Variants in NXPE2 observed in about 807,000 individuals in gnomAD.
NXPE2 encodes NXPE family member 2.
In NXPE2, 34 loss-of-function variants were observed where a neutral mutation model predicts 34.4. The observed-to-expected ratio is 0.99, with a 90% CI of 0.75 to 1.31. The LOEUF (loss-of-function observed/expected upper bound fraction) is 1.31. Ranked by LOEUF, NXPE2 falls within the 40% of genes most tolerant of loss-of-function variation. The probability of loss-of-function intolerance (pLI) is 0.00; values close to 1 mark genes in which losing one functional copy is unlikely to be tolerated. For missense variants in NXPE2, 649 were observed against 672.5 expected (o/e 0.97, Z 0.39); for synonymous variants, 235 against 231.3 (o/e 1.02, Z -0.15).
At chr11:114,737,007 G>A in the NXPE2 span, among the ~76,000 whole-genome samples, 1 of 152,082 alleles carries the variant, frequency 6.6e-6, no homozygotes, top group African/African-American at 2.4e-5. Context: ...CTGAGTGCTA[G>A]CAATTTGCAA....
downstream of NXPE2, among the ~76,000 whole-genome samples, chr11:114,708,523 T>C (rs1006689086): frequency 1.3e-5 from 2 of 151,882 alleles, no homozygotes; most frequent in African/African-American, 2.4e-5. Context: ...GAAGTTATAA[T>C]GCTGTAACAT....
At chr11:114,735,507 A>G in the NXPE2 span, among the ~76,000 whole-genome samples, 1 of 152,226 alleles carries the variant, frequency 6.6e-6, no homozygotes, top group African/African-American at 2.4e-5. Context: ...TGGGGGGGTT[A>G]AAATTATTTC....
the NXPE2 span, among the ~76,000 whole-genome samples, chr11:114,642,467 CCT>C: frequency 6.6e-6 from 1 of 152,044 alleles, no homozygotes; most frequent in Non-Finnish European, 1.5e-5. Context: ...TTTTCCCCTC[CCT>C]GTGTCCATGT....
At chr11:114,681,035 TAGTC>T (rs1210626451) in intron 2 of NXPE2, among the ~76,000 whole-genome samples, 1 of 152,160 alleles carries the variant, frequency 6.6e-6, no homozygotes, top group African/African-American at 2.4e-5. Flanking sequence ...ATAGCCTGTG[TAGTC>T]AATCAAGCTA....
At chr11:114,783,755 T>TA in the NXPE2 span, among the ~76,000 whole-genome samples, 1 of 152,220 alleles carries the variant, frequency 6.6e-6, no homozygotes, top group African/African-American at 2.4e-5. Context: ...TGTGAGGGTC[T>TA]TTCTCAAATT....
the NXPE2 span, among the ~76,000 whole-genome samples, chr11:114,803,668 C>T: frequency 1.3e-5 from 2 of 151,802 alleles, no homozygotes; most frequent in South Asian, 2.1e-4. Context: ...CCTCCACCTC[C>T]TGGGTTCAAG....
At chr11:114,613,146 A>G in the NXPE2 span, among the ~76,000 whole-genome samples, 4 of 138,222 alleles carry the variant, frequency 2.9e-5, no homozygotes, top group African/African-American at 1.1e-4. Context: ...TGCCTCATAG[A>G]TAACGACTGT....
chr11:114,551,800 G>C, the NXPE2 span, among the ~76,000 whole-genome samples: 2 of 152,056 alleles, frequency 1.3e-5, no homozygotes, highest in African/African-American at 2.4e-5. Flanking sequence ...GTGAGGAAGG[G>C]GGAAGAAGGA....
chr11:114,474,376 A>G, the NXPE2 span, among the ~76,000 whole-genome samples: 1 of 152,310 alleles, frequency 6.6e-6, no homozygotes, highest in South Asian at 2.1e-4. Flanking sequence ...AGTGACTAGC[A>G]AGCAAATGGA....
At chr11:114,470,997 T>A in the NXPE2 span, among the ~76,000 whole-genome samples, 1 of 152,246 alleles carries the variant, frequency 6.6e-6, no homozygotes, top group Non-Finnish European at 1.5e-5. Context: ...GTTGTTTGTT[T>A]TCTTACTGAA....
chr11:114,533,908 G>A, the NXPE2 span, among the ~76,000 whole-genome samples: 2 of 152,212 alleles, frequency 1.3e-5, no homozygotes, highest in Non-Finnish European at 2.9e-5. Context: ...AGACTTAAAT[G>A]TCCCTGTCTG....
the NXPE2 span, among the ~76,000 whole-genome samples, chr11:114,745,716 G>A: frequency 6.6e-6 from 1 of 151,994 alleles, no homozygotes; most frequent in Non-Finnish European, 1.5e-5. Flanking sequence ...TCCATGAGAA[G>A]CGAAAACTCA....
intron 2 of NXPE2, among the ~76,000 whole-genome samples, chr11:114,681,398 C>G (rs1351505710): frequency 1.3e-5 from 2 of 152,160 alleles, no homozygotes; most frequent in African/African-American, 4.8e-5. Context: ...TCAGCAGCTC[C>G]TCATGTAGCA....
the NXPE2 span, among the ~76,000 whole-genome samples, chr11:114,805,265 G>A: frequency 1.4e-4 from 21 of 151,586 alleles, no homozygotes; most frequent in East Asian, 1.2e-3. Context: ...CATGAGCCAC[G>A]CAGAAGATGG....
intron 2 of NXPE2, among the ~76,000 whole-genome samples, chr11:114,694,740 T>C (rs1951217348): frequency 6.6e-6 from 1 of 152,162 alleles, no homozygotes; most frequent in Admixed American, 6.5e-5. Flanking sequence ...TCAAAGGTGT[T>C]CTTTATTCTG....
At chr11:114,741,583 C>A in the NXPE2 span, among the ~76,000 whole-genome samples, 2 of 152,064 alleles carry the variant, frequency 1.3e-5, no homozygotes, top group Non-Finnish European at 2.9e-5. Flanking sequence ...TTTGCTTGAC[C>A]AAGTCTACCA....
chr11:114,479,128 G>A, the NXPE2 span, among the ~76,000 whole-genome samples: 4 of 152,158 alleles, frequency 2.6e-5, no homozygotes, highest in Middle Eastern at 3.2e-3. Flanking sequence ...CGTTCCTAGA[G>A]CTTTTGATTC....
chr11:114,575,365 T>C, the NXPE2 span, among the ~76,000 whole-genome samples: 3 of 151,894 alleles, frequency 2.0e-5, 1 homozygote, highest in Non-Finnish European at 4.4e-5. Flanking sequence ...AAGGAAGAAA[T>C]AAAGGACATC....
chr11:114,739,733 A>G, the NXPE2 span, among the ~76,000 whole-genome samples: 2 of 151,872 alleles, frequency 1.3e-5, no homozygotes, highest in African/African-American at 4.8e-5. Context: ...GCATCTCCCT[A>G]TTTCCTCTGC....
Sources: gnomAD v4.1 joint callset for allele counts (sites outside exome capture counted in the v4.1 genomes callset) on GRCh38, gnomAD v4.1.1 for gene constraint, MANE v1.5 for transcripts, NCBI Gene and HGNC (gene_info 2026-07-23, HGNC 2026-07-21) for gene names.